Variants in SPMIP7 observed in about 807,000 individuals in gnomAD.
SPMIP7 encodes sperm microtubule inner protein 7.
the SPMIP7 span, among the ~76,000 whole-genome samples, chr7:50,119,115 C>T: frequency 1.3e-5 from 2 of 152,126 alleles, no homozygotes; most frequent in Non-Finnish European, 2.9e-5. Context: ...CATCAGAGAC[C>T]TCATTGAACC....
At chr7:50,130,794 C>T in the SPMIP7 span, among the ~76,000 whole-genome samples, 2 of 151,896 alleles carry the variant, frequency 1.3e-5, no homozygotes, top group Non-Finnish European at 2.9e-5. Flanking sequence ...TTTGGAGTGA[C>T]TCTATACCCT....
At chr7:50,125,737 TATTGCATG>T in the SPMIP7 span, among the ~76,000 whole-genome samples, 1 of 151,800 alleles carries the variant, frequency 6.6e-6, no homozygotes, top group East Asian at 1.9e-4. Context: ...GAAACAGAAA[TATTGCATG>T]ATTTTACTTA....
the SPMIP7 span, among the ~76,000 whole-genome samples, chr7:50,119,474 G>A: frequency 6.6e-6 from 1 of 152,096 alleles, no homozygotes; most frequent in Non-Finnish European, 1.5e-5. Flanking sequence ...TGTAATTTGT[G>A]GATGGCTTTA....
chr7:50,141,287 T>C, the SPMIP7 span: 3 of 1,546,754 alleles, frequency 1.9e-6, no homozygotes, highest in Non-Finnish European at 2.6e-6. Context: ...ACAGTGGTCA[T>C]GTGCAGTCTA....
the SPMIP7 span, chr7:50,117,439 A>T: frequency 4.0e-6 from 1 of 253,054 alleles, no homozygotes; most frequent in Non-Finnish European, 8.2e-6. Context: ...AAAATATATT[A>T]AATTCCAGAC....
the SPMIP7 span, among the ~76,000 whole-genome samples, chr7:50,100,812 AAAATAAATAAATAAAT>A: frequency 7.2e-6 from 1 of 139,278 alleles, no homozygotes; most frequent in East Asian, 2.1e-4. Flanking sequence ...ATGCCGTCCA[AAAATAAATAAATAAAT>A]AAATAAATAA....
At chr7:50,139,427 T>G in the SPMIP7 span, among the ~76,000 whole-genome samples, 1 of 152,182 alleles carries the variant, frequency 6.6e-6, no homozygotes, top group Non-Finnish European at 1.5e-5. Context: ...TTGAATACAT[T>G]TTTTAAAATG....
chr7:50,115,937 C>T, the SPMIP7 span, among the ~76,000 whole-genome samples: 1 of 152,120 alleles, frequency 6.6e-6, no homozygotes, highest in African/African-American at 2.4e-5. Flanking sequence ...TCCTCTTTCA[C>T]GTTCTCTTTT....
chr7:50,149,064 G>A, the SPMIP7 span, among the ~76,000 whole-genome samples: 1 of 152,046 alleles, frequency 6.6e-6, no homozygotes. Context: ...AGAACCACTT[G>A]AACCCAGGAG....
chr7:50,145,618 GTATATATATATATATATATATATA>G, the SPMIP7 span, among the ~76,000 whole-genome samples: 118 of 27,700 alleles, frequency 4.3e-3, 4 homozygotes, highest in African/African-American at 0.016. Context: ...ATATGTGTGT[GTATATATATATATATATATATATA>G]TATATATATA....
chr7:50,151,561 A>G, the SPMIP7 span: 3 of 1,532,052 alleles, frequency 2.0e-6, no homozygotes, highest in Admixed American at 3.9e-5. Context: ...TGCACCGGTA[A>G]GTATGAATCC....
the SPMIP7 span, chr7:50,141,486 A>G: frequency 2.6e-6 from 2 of 770,048 alleles, no homozygotes; most frequent in Non-Finnish European, 4.4e-6. Flanking sequence ...CGTGGCTTTT[A>G]TTGAACATTG....
the SPMIP7 span, among the ~76,000 whole-genome samples, chr7:50,125,183 CACATATATACACATATATAT>C: frequency 4.3e-4 from 45 of 105,872 alleles, 3 homozygotes; most frequent in African/African-American, 5.5e-4. Context: ...CATATATATA[CACATATATACACATATATAT>C]ACACATATAT....
At chr7:50,109,870 T>C in the SPMIP7 span, among the ~76,000 whole-genome samples, 1 of 152,224 alleles carries the variant, frequency 6.6e-6, no homozygotes, top group East Asian at 1.9e-4. Context: ...ACTGATATTG[T>C]TGATACAACA....
At chr7:50,136,801 T>C in the SPMIP7 span, among the ~76,000 whole-genome samples, 1 of 152,164 alleles carries the variant, frequency 6.6e-6, no homozygotes. Context: ...TATTGTCTGT[T>C]CATTTTTGCT....
chr7:50,098,294 TCA>T, the SPMIP7 span, among the ~76,000 whole-genome samples: 6 of 152,204 alleles, frequency 3.9e-5, no homozygotes, highest in Non-Finnish European at 8.8e-5. Context: ...TCTCTCTTTA[TCA>T]TCTACCAATT....
At chr7:50,111,155 G>A in the SPMIP7 span, among the ~76,000 whole-genome samples, 1 of 149,648 alleles carries the variant, frequency 6.7e-6, no homozygotes, top group East Asian at 1.9e-4. Context: ...TGGTGTCATT[G>A]TCTGGGGTAA....
chr7:50,125,111 TATATACACACACAC>T, the SPMIP7 span, among the ~76,000 whole-genome samples: 2 of 29,148 alleles, frequency 6.9e-5, 1 homozygote, highest in Non-Finnish European at 1.1e-4. Context: ...TATATATATA[TATATACACACACAC>T]ACACACACAC....
At chr7:50,130,873 C>T in the SPMIP7 span, among the ~76,000 whole-genome samples, 4 of 151,998 alleles carry the variant, frequency 2.6e-5, no homozygotes. Flanking sequence ...AACAAAAGGC[C>T]AGGGTGCCTG....
Sources: allele counts gnomAD v4.1 joint callset (sites outside exome capture counted in the v4.1 genomes callset), GRCh38; gene constraint gnomAD v4.1.1; transcripts MANE v1.5; gene names NCBI Gene and HGNC (gene_info 2026-07-23, HGNC 2026-07-21).